The following MYOM1 variants were observed in gnomAD, a reference collection of about 807,000 sequenced individuals.
MYOM1 encodes the protein myomesin 1, also known as myomesin-1.
In MYOM1, 164 loss-of-function variants were observed where a neutral mutation model predicts 205.3. The ratio of observed to expected loss-of-function variants is 0.80; its 90% confidence interval spans 0.70 to 0.91. MYOM1 has a LOEUF of 0.91. Among genes scored for constraint, MYOM1 ranks in the 40% least tolerant of loss-of-function variants. The pLI is 0.00. For missense variants in MYOM1, 2,011 were observed against 2,127.3 expected, an observed-to-expected ratio of 0.95 and a Z score of 1.08; for synonymous variants, 772 against 789.4, an observed-to-expected ratio of 0.98 and a Z score of 0.37.
chr18:3,167,562 T>C (rs997124019), intron 9 of MYOM1, among the ~76,000 whole-genome samples: 2 of 152,166 alleles, frequency 1.3e-5, no homozygotes, highest in African/African-American at 4.8e-5. Context: ...TTTTGTATTT[T>C]TTGGTAGAGA....
In MYOM1 at chr18:3,089,125, CTATTT is replaced by C. The variant is rs5822736; in HGVS notation, c.4137+44_4137+48del. On this transcript the variant is annotated intron_variant, in intron 29 of 37. Transcript: ENST00000356443. ...AATTGAGCTTCCTCTTCTCTACATT[CTATTT>C]TATTTCCCTTGAATCAAATATTAAA... The C allele has an allele frequency of 0.082, 114,394 of 1,394,712 alleles. 4,890 individuals are homozygous for C. The highest frequency in any genetic ancestry group is 0.095 in the South Asian group (7,555 of 79,534). 86.4% of individuals were successfully genotyped at this position (1,394,712 alleles called of 1,614,324 possible).
intron 19 of MYOM1, among the ~76,000 whole-genome samples, chr18:3,122,259 T>G (rs1358853027): frequency 4.6e-5 from 7 of 150,744 alleles, no homozygotes; most frequent in Non-Finnish European, 3.0e-5. Context: ...AAAATTTAAC[T>G]CCGTGCTATT....
chr18:3,082,941 G>C (rs957822648), intron 33 of MYOM1, among the ~76,000 whole-genome samples: 13 of 152,098 alleles, frequency 8.5e-5, no homozygotes, highest in African/African-American at 2.9e-4. Context: ...AATAATCTTG[G>C]GCACTCGTTG....
In MYOM1 at chr18:3,153,773, T is replaced by G. The variant is rs537828990; in HGVS notation, c.1643+1174A>C. Among the ~76,000 whole-genome samples the G allele has an allele frequency of 7.9e-5, 12 of 152,368 alleles. No individual in the cohort carries two copies. In the East Asian group the frequency reaches 2.3e-3, roughly 29 times the overall value. ...ACACACCCTTGGTGCAAACCCATTG[T>G]GCTAATATGACACAGATTATCCATC... On this transcript the variant is annotated intron_variant, in intron 11 of 37. Coordinates refer to ENST00000356443, the MANE Select transcript of MYOM1 (RefSeq NM_003803.4).
chr18:3,162,372 T>C (rs2080403840), intron 10 of MYOM1, among the ~76,000 whole-genome samples: 1 of 152,148 alleles, frequency 6.6e-6, no homozygotes. Context: ...TACAGCCTAC[T>C]GAAATTATTT....
chr18:3,186,297 A>G (rs1253075397), intron 5 of MYOM1, among the ~76,000 whole-genome samples: 1 of 152,190 alleles, frequency 6.6e-6, no homozygotes. Flanking sequence ...CATTAGAAAT[A>G]ACAGAAAAGA....
intron 37 of MYOM1, among the ~76,000 whole-genome samples, chr18:3,067,854 T>C (rs1355824680): frequency 6.6e-6 from 1 of 152,196 alleles, no homozygotes; most frequent in Non-Finnish European, 1.5e-5. Flanking sequence ...CCATTTTCAC[T>C]TTCTCTTTCA....
intron 3 of MYOM1, among the ~76,000 whole-genome samples, chr18:3,190,187 T>C (rs1377188911): frequency 2.0e-5 from 3 of 152,248 alleles, no homozygotes; most frequent in Non-Finnish European, 4.4e-5. Context: ...ATTCATGTCG[T>C]TTAAAAATAT....
At chr18:3,090,541 A>G in intron 27 of MYOM1, 117 bp downstream of exon 27, 2 of 1,336,436 alleles carry the variant, frequency 1.5e-6, no homozygotes, top group Non-Finnish European at 2.1e-6. Context: ...TTTGAACATT[A>G]GAAGTCAATT....
intron 29 of MYOM1, among the ~76,000 whole-genome samples, chr18:3,087,422 G>C (rs1314453995): frequency 1.3e-5 from 2 of 151,162 alleles, no homozygotes; most frequent in African/African-American, 4.9e-5. Context: ...AAAGGTCATA[G>C]CTCCACATGT....
chr18:3,146,866 C>T (rs1008086415), intron 13 of MYOM1, among the ~76,000 whole-genome samples: 2 of 151,338 alleles, frequency 1.3e-5, no homozygotes, highest in Non-Finnish European at 3.0e-5. Flanking sequence ...ATAGAAAATC[C>T]ATAATAAATT....
chr18:3,137,250 A>T (rs1394370509), intron 14 of MYOM1, among the ~76,000 whole-genome samples: 1 of 152,000 alleles, frequency 6.6e-6, no homozygotes, highest in East Asian at 1.9e-4. Context: ...TGCCCGGCCC[A>T]GTGTTTTTTT....
intron 14 of MYOM1, among the ~76,000 whole-genome samples, chr18:3,141,723 G>A (rs2080052164): frequency 6.6e-6 from 1 of 152,198 alleles, no homozygotes; most frequent in South Asian, 2.1e-4. Flanking sequence ...GTCTATGGGT[G>A]AGTCTTGGGG....
At chr18:3,104,241 A>G (rs1158917013) in intron 22 of MYOM1, among the ~76,000 whole-genome samples, 2 of 149,916 alleles carry the variant, frequency 1.3e-5, no homozygotes, top group African/African-American at 5.1e-5. Flanking sequence ...CTGTATTATA[A>G]TATACAGTTT....
intron 37 of MYOM1, 108 bp downstream of exon 37, chr18:3,071,726 T>C (rs577248034): frequency 9.4e-7 from 1 of 1,063,464 alleles, no homozygotes; most frequent in Non-Finnish European, 1.4e-6. Flanking sequence ...TGGAGTACGA[T>C]GAAGGTGGTG....
chr18:3,237,327 G>A, the MYOM1 span, among the ~76,000 whole-genome samples: 8 of 152,310 alleles, frequency 5.3e-5, no homozygotes, highest in African/African-American at 1.7e-4. Context: ...ATGGCCGGGT[G>A]TGGTGGCTCA....
At chr18:3,113,956 G>C (rs1327446909) in intron 21 of MYOM1, among the ~76,000 whole-genome samples, 1 of 152,182 alleles carries the variant, frequency 6.6e-6, no homozygotes, top group Non-Finnish European at 1.5e-5. Context: ...ACAGCAGAAT[G>C]TCACTATTTA....
chr18:3,075,529 T>C, intron 35 of MYOM1, 53 bp from the exon 36 acceptor site: 1 of 1,581,868 alleles, frequency 6.3e-7, no homozygotes, highest in Non-Finnish European at 8.7e-7. Context: ...TTAGTGTTAC[T>C]TCAAAGTAGC....
chr18:3,130,044 CTTTCTTCTTTTTTT>C (rs1361127250), intron 17 of MYOM1, among the ~76,000 whole-genome samples: 3 of 151,346 alleles, frequency 2.0e-5, no homozygotes, highest in Admixed American at 2.0e-4. Flanking sequence ...CCTTCGTTTT[CTTTCTTCTTTTTTT>C]TTTTTTTGGA....
Sources: gnomAD v4.1 joint callset for allele counts (sites outside exome capture counted in the v4.1 genomes callset) on GRCh38, gnomAD v4.1.1 for gene constraint, MANE v1.5 for transcripts, NCBI Gene and HGNC (gene_info 2026-07-23, HGNC 2026-07-21) for gene names.